Variants in SCAMP1 observed in about 807,000 individuals in gnomAD.
SCAMP1 encodes secretory carrier-associated membrane protein 1.
Under a neutral mutation model 41.8 loss-of-function variants are expected in SCAMP1, and 15 were observed. That is an observed-to-expected ratio of 0.36 (90% CI 0.24 to 0.55). The LOEUF (loss-of-function observed/expected upper bound fraction) is 0.55, where lower values mean the gene tolerates loss of function less well. Ranked by LOEUF, SCAMP1 falls within the 20% of genes least tolerant of loss-of-function variation. The pLI is 0.86. For missense variants in SCAMP1, 341 were observed against 412.6 expected (o/e 0.83, Z 1.50); for synonymous variants, 135 against 136.8 (o/e 0.99, Z 0.09).
At chr5:78,369,638 G>C (rs1750894610) in intron 1 of SCAMP1, among the ~76,000 whole-genome samples, 1 of 152,140 alleles carries the variant, frequency 6.6e-6, no homozygotes, top group Non-Finnish European at 1.5e-5. Context: ...CTTGATGCAG[G>C]GTTGCCACAA....
chr5:78,415,543 G>A lies in SCAMP1; in HGVS notation c.159G>A (p.Met53Ile), dbSNP rs766180996. ...SRTPPPGGVK[M>I]PNVPNTQPAI... Reference sequence around the variant, plus strand: ...AGCCTCCACCAGGCGGTGTGAAGATGCCTAATGTACCCAATACACAACCAG... The same window carrying A: ...AGCCTCCACCAGGCGGTGTGAAGATACCTAATGTACCCAATACACAACCAG... Residue 53 changes from methionine to isoleucine, a missense_variant, in exon 3 of 9, where the codon ATG becomes ATA. Coordinates refer to ENST00000621999, the MANE Select transcript of SCAMP1 (RefSeq NM_004866.6). The A allele has an allele frequency of 1.9e-6, 3 of 1,605,980 alleles. No individual in the cohort carries two copies. In the African/African-American group the frequency reaches 4.0e-5, roughly 21 times the overall value.
chr5:78,374,732 CT>C (rs1751023279), intron 1 of SCAMP1, among the ~76,000 whole-genome samples: 1 of 151,972 alleles, frequency 6.6e-6, no homozygotes, highest in South Asian at 2.1e-4. Context: ...GGTAAGTTGG[CT>C]TGGGCATGAT....
At chr5:78,450,300 G>A (rs533427561) in intron 7 of SCAMP1, among the ~76,000 whole-genome samples, 3 of 152,262 alleles carry the variant, frequency 2.0e-5, no homozygotes, top group African/African-American at 7.2e-5. Flanking sequence ...GAGGAAGACT[G>A]CAAAAGAGAC....
chr5:78,421,943 A>G lies in SCAMP1; in HGVS notation c.615A>G (p.Pro205=). ...TPCSFVCWYR[P]LYGAFRSDSS... is the part of the protein sequence containing the mutation. ...GTTCATTTGTCTGTTGGTACAGACC[A>G]CTTTATGGAGCTTTCAGGTAAAATG... is the stretch of plus-strand genomic sequence containing the variant. The change falls in exon 6 of 9, where the codon CCA becomes CCG. Residue 205 remains proline, a synonymous_variant. Transcript: ENST00000621999. The G allele has an allele frequency of 1.2e-6, 2 of 1,612,198 alleles. No homozygotes were observed. The highest frequency in any genetic ancestry group is 1.7e-6 in the Non-Finnish European group (2 of 1,179,352).
intron 3 of SCAMP1, 97 bp from the exon 4 acceptor site, chr5:78,416,444 G>A: frequency 1.2e-6 from 1 of 807,888 alleles, no homozygotes; most frequent in East Asian, 2.9e-5. Context: ...GTTTGAATTA[G>A]GTTTCTCTCA....
chr5:78,445,204 T>C (rs1234106309), intron 6 of SCAMP1, among the ~76,000 whole-genome samples: 1 of 152,246 alleles, frequency 6.6e-6, no homozygotes, highest in Non-Finnish European at 1.5e-5. Flanking sequence ...TGAGATTTAT[T>C]ATCATACTTC....
chr5:78,441,948 G>A (rs1305155666), intron 6 of SCAMP1, among the ~76,000 whole-genome samples: 1 of 152,178 alleles, frequency 6.6e-6, no homozygotes, highest in East Asian at 1.9e-4. Flanking sequence ...GGGCAACATG[G>A]TGAAACCTGA....
At chr5:78,424,353 G>A (rs1210236353) in intron 6 of SCAMP1, among the ~76,000 whole-genome samples, 32 of 152,160 alleles carry the variant, frequency 2.1e-4, no homozygotes, top group Admixed American at 2.1e-3. Flanking sequence ...AGTTTCAAAT[G>A]TATGTGTTTT....
chr5:78,363,385 A>G (rs945320004), intron 1 of SCAMP1, among the ~76,000 whole-genome samples: 4 of 150,650 alleles, frequency 2.7e-5, no homozygotes, highest in Non-Finnish European at 5.9e-5. Context: ...GATTTTTTGT[A>G]TTTTTAGTAG....
intron 7 of SCAMP1, among the ~76,000 whole-genome samples, chr5:78,453,507 G>A (rs1334396798): frequency 1.3e-5 from 2 of 151,834 alleles, no homozygotes; most frequent in South Asian, 2.1e-4. Flanking sequence ...GATGTGTGGC[G>A]TTATTTCTGA....
chr5:78,464,444 C>T (rs947988280), intron 8 of SCAMP1, among the ~76,000 whole-genome samples: 10 of 152,164 alleles, frequency 6.6e-5, no homozygotes, highest in African/African-American at 2.4e-4. Context: ...CTTTTTAATT[C>T]ACTTTCTTAG....
chr5:78,442,813 A>T (rs7716529), intron 6 of SCAMP1, among the ~76,000 whole-genome samples: 123,012 of 151,700 alleles, frequency 0.81, 50,445 homozygotes, highest in East Asian at 0.92. Context: ...TGGGGTTATT[A>T]TACTTTAGCT....
intron 6 of SCAMP1, among the ~76,000 whole-genome samples, chr5:78,440,901 A>T (rs917663020): frequency 6.6e-6 from 1 of 152,170 alleles, no homozygotes; most frequent in African/African-American, 2.4e-5. Flanking sequence ...CTCAAGCCTC[A>T]GCAGTGGTGG....
chr5:78,441,196 C>G (rs186135995), intron 6 of SCAMP1, among the ~76,000 whole-genome samples: 12 of 152,188 alleles, frequency 7.9e-5, no homozygotes, highest in African/African-American at 2.9e-4. Context: ...GCTCACCCTC[C>G]GTGGGTGGCA....
chr5:78,474,296 A>T (rs1057248113), intron 8 of SCAMP1, among the ~76,000 whole-genome samples: 1 of 152,162 alleles, frequency 6.6e-6, no homozygotes, highest in African/African-American at 2.4e-5. Flanking sequence ...GAACACAAAC[A>T]TTCAGTCCAT....
chr5:78,468,931 C>T (rs1219715840), intron 8 of SCAMP1, among the ~76,000 whole-genome samples: 1 of 152,060 alleles, frequency 6.6e-6, no homozygotes, highest in Admixed American at 6.6e-5. Context: ...GGATTGGTTT[C>T]AGAACCCACA....
intron 6 of SCAMP1, among the ~76,000 whole-genome samples, chr5:78,428,826 T>C (rs1406659969): frequency 6.6e-6 from 1 of 152,122 alleles, no homozygotes; most frequent in African/African-American, 2.4e-5. Context: ...AATCTTATAC[T>C]TCTGTTGTTA....
At chr5:78,361,221 G>A (rs183171627) in intron 1 of SCAMP1, among the ~76,000 whole-genome samples, 2 of 144,528 alleles carry the variant, frequency 1.4e-5, no homozygotes, top group African/African-American at 5.1e-5. Flanking sequence ...AGGGCACCGA[G>A]TATGCTGCAA....
rs531359404 is a variant in SCAMP1 at position 78,408,026 on chromosome 5, A to G, written c.136-7494A>G. 2.0e-5 allele frequency among the ~76,000 whole-genome samples: 3 copies of G among 152,278 alleles called. No homozygotes were observed. The South Asian group carries it at 6.2e-4, about 32-fold the overall frequency. Reference sequence around the variant, plus strand: ...TTGTTTCCTCATAGATTTAAATCATAAGCCAAAGTTACTTGGAACTTTATC... The same window carrying G: ...TTGTTTCCTCATAGATTTAAATCATGAGCCAAAGTTACTTGGAACTTTATC... On this transcript the variant is annotated intron_variant, in intron 2 of 8. Coordinates refer to ENST00000621999, the MANE Select transcript of SCAMP1 (RefSeq NM_004866.6).
Sources: gnomAD v4.1 joint callset for allele counts (sites outside exome capture counted in the v4.1 genomes callset) on GRCh38, gnomAD v4.1.1 for gene constraint, MANE v1.5 for transcripts, NCBI Gene and HGNC (gene_info 2026-07-23, HGNC 2026-07-21) for gene names.